PTPN21: variants seen among roughly 807,000 people sequenced by gnomAD.
PTPN21 encodes tyrosine-protein phosphatase non-receptor type 21.
PTPN21 carries 77 observed loss-of-function variants against 131.8 expected under a neutral mutation model. The ratio of observed to expected loss-of-function variants is 0.58; its 90% CI spans 0.49 to 0.71. The LOEUF is 0.71. Ranked by LOEUF, PTPN21 falls within the 30% of genes least tolerant of loss-of-function variation. PTPN21 has a pLI of 0.00. For synonymous variants in PTPN21, 715 were observed against 621.3 expected, an observed-to-expected ratio of 1.15 and a Z score of -2.24; for missense variants, 1,552 against 1,527.1, an observed-to-expected ratio of 1.02 and a Z score of -0.27.
chr14:88,511,446 G>T (rs2078180639), intron 3 of PTPN21, among the ~76,000 whole-genome samples: 1 of 152,134 alleles, frequency 6.6e-6, no homozygotes, highest in South Asian at 2.1e-4. Context: ...GCTGAGGCAG[G>T]TGGATCACGA....
chr14:88,471,742 G>A (rs988395187), intron 15 of PTPN21, among the ~76,000 whole-genome samples: 1 of 152,122 alleles, frequency 6.6e-6, no homozygotes, highest in Non-Finnish European at 1.5e-5. Context: ...ATGTGATGAG[G>A]AAAAACTAGC....
At chr14:88,485,967 C>A in intron 10 of PTPN21, 125 bp from the exon 11 acceptor site, 1 of 621,372 alleles carries the variant, frequency 1.6e-6, no homozygotes, top group South Asian at 2.5e-5. Flanking sequence ...CTATCTAAGT[C>A]ATGAAGTCAA....
At chr14:88,495,061 C>T (rs1293843379) in intron 10 of PTPN21, among the ~76,000 whole-genome samples, 1 of 136,030 alleles carries the variant, frequency 7.4e-6, no homozygotes, top group African/African-American at 2.7e-5. Flanking sequence ...GTGTCAGGAT[C>T]TGATTCAGGT....
At chr14:88,509,571 T>C (rs2078145897) in intron 3 of PTPN21, among the ~76,000 whole-genome samples, 2 of 152,206 alleles carry the variant, frequency 1.3e-5, no homozygotes, top group South Asian at 4.1e-4. Context: ...CTATAGCTAA[T>C]GGGATGCTGG....
chr14:88,480,116 C>T lies in PTPN21; in HGVS notation c.1315G>A (p.Ala439Thr). ...PDYLPSHRHSAVIPPSYRPTP... is the reference protein window; with the variant it reads ...PDYLPSHRHSTVIPPSYRPTP... ...GGGCGGTAGGACGGGGGTATCACGG[C>T]GCTGTGCCGATGGGACGGGAGGTAG... The change falls in exon 13 of 19, where the codon GCC becomes ACC. Residue 439 changes from alanine to threonine, a missense_variant. By Grantham distance (58) the Ala-to-Thr change is moderately conservative. This residue lies in a region of PTPN21 where 1,016 missense variants were observed against 883.5 expected (regional missense o/e 1.15). Coordinates refer to ENST00000556564, the MANE Select transcript of PTPN21 (RefSeq NM_007039.4). 2.5e-6 allele frequency: 4 copies of T among 1,614,102 alleles called. No homozygotes were observed. Among genetic ancestry groups the T allele is most frequent in the Non-Finnish European group, 3.4e-6 (4 of 1,179,998 alleles).
intron 3 of PTPN21, chr14:88,515,060 C>G (rs1414038134): frequency 2.6e-5 from 4 of 152,144 alleles, no homozygotes; most frequent in African/African-American, 9.7e-5. Context: ...CAAGAGGTAA[C>G]CTAGTGCATG....
rs942592324 is a variant in PTPN21 at position 88,550,609 on chromosome 14, T to G, written c.-192A>C. The G allele has an allele frequency of 1.8e-6, 1 of 567,922 alleles. No homozygotes were observed. 35.2% of individuals were successfully genotyped at this position (567,922 alleles called of 1,614,324 possible). A position where few individuals can be genotyped will look rare whatever the true frequency, so the allele number is the denominator to read the frequency against. ...TCCAATGGCCCGAGGAAGGGAGCAT[T>G]GACGCCAGCGCTGGGGAAAGAGGAA... On this transcript the variant is annotated 5_prime_UTR_variant, in exon 2 of 19. Coordinates refer to ENST00000556564, the MANE Select transcript of PTPN21 (RefSeq NM_007039.4).
In PTPN21 at chr14:88,550,462, C is replaced by T; in HGVS notation, c.-45G>A. On this transcript the variant is annotated 5_prime_UTR_variant, in exon 2 of 19. Transcript: ENST00000556564. ...TGGAGGAGCAAAGAGGGAAAAGCTACCCCCACCAACCCAGCGCTGGTGACG... is the reference window on the plus strand; with the variant it reads ...TGGAGGAGCAAAGAGGGAAAAGCTATCCCCACCAACCCAGCGCTGGTGACG... 2 of 1,559,518 alleles carry T rather than the reference C, an allele frequency of 1.3e-6. No individual in the cohort carries two copies. Among genetic ancestry groups the T allele is most frequent in the Non-Finnish European group, 1.8e-6 (2 of 1,138,910 alleles).
At chr14:88,539,250 ATT>A (rs57117892) in intron 2 of PTPN21, among the ~76,000 whole-genome samples, 8 of 120,234 alleles carry the variant, frequency 6.7e-5, no homozygotes, top group Non-Finnish European at 9.0e-5. Flanking sequence ...CGCCCGGTTA[ATT>A]TTTTTTTTTT....
At chr14:88,501,490 G>T in intron 6 of PTPN21, 122 bp from the exon 7 acceptor site, 1 of 855,584 alleles carries the variant, frequency 1.2e-6, no homozygotes, top group Non-Finnish European at 1.9e-6. Context: ...ACGTTTCTAA[G>T]CATCTATAAT....
chr14:88,479,507 C>T lies in PTPN21; in HGVS notation c.1924G>A (p.Gly642Arg), dbSNP rs1292576530. The T allele has an allele frequency of 3.7e-6, 6 of 1,600,922 alleles. No homozygotes were observed. The highest frequency in any genetic ancestry group is 5.1e-6 in the Non-Finnish European group (6 of 1,179,230). ...LHKRNSIEVA[G>R]LSHGLEGLRL... ...AGGCCCTCCAGGCCGTGGCTGAGCC[C>T]GGCCACCTCGATGCTGTTCCGTTTG... The change falls in exon 13 of 19, where the codon GGG (glycine) becomes AGG (arginine). Residue 642 changes from glycine (G) to arginine (R), a missense_variant. This residue lies in a region of PTPN21 where 1,016 missense variants were observed against 883.5 expected (regional missense o/e 1.15). Transcript: ENST00000556564.
rs1477957436 is a variant in PTPN21 at position 88,466,683 on chromosome 14, CT to C, written c.*1453del. The C allele has an allele frequency of 6.6e-6, 1 of 152,194 alleles. No individual in the cohort carries two copies. Among genetic ancestry groups the C allele is most frequent in the Non-Finnish European group, 1.5e-5 (1 of 68,048 alleles). The allele number at this position is 152,194 out of a possible 1,614,324, so 9.4% of individuals were successfully genotyped here. Reference sequence around the variant, plus strand: ...CGGGGCCAGAGATGACACTCTCCCCCTGTAACTCAGCCTGGCTCTGTCTATT... The same window carrying C: ...CGGGGCCAGAGATGACACTCTCCCCCGTAACTCAGCCTGGCTCTGTCTATT... On this transcript the variant is annotated 3_prime_UTR_variant, in exon 19 of 19. Transcript: ENST00000556564.
chr14:88,531,510 T>C (rs1391952061), intron 2 of PTPN21, among the ~76,000 whole-genome samples: 1 of 152,102 alleles, frequency 6.6e-6, no homozygotes, highest in Non-Finnish European at 1.5e-5. Flanking sequence ...TAAGCCGAGA[T>C]TGCGCCACTG....
At position 88,479,349 on chromosome 14, in the gene PTPN21, C is replaced by T. The variant is rs748983954; in HGVS notation, c.2082G>A (p.Arg694=). 2 of 1,613,138 alleles carry T rather than the reference C, an allele frequency of 1.2e-6. No individual in the cohort carries two copies. Among genetic ancestry groups the T allele is most frequent in the African/African-American group, 1.3e-5 (1 of 74,902 alleles). ...REGPEEAEGL[R]YGHKKSLSDA... is the part of the protein sequence containing the mutation. ...CCGACAGGGACTTCTTATGGCCGTA[C>T]CTCAAGCCCTCCGCCTCCTCCGGCC... The change falls in exon 13 of 19, where the codon AGG becomes AGA. Residue 694 remains arginine, a synonymous_variant. Transcript: ENST00000556564.
intron 2 of PTPN21, among the ~76,000 whole-genome samples, chr14:88,539,808 A>G (rs2078680596): frequency 6.6e-6 from 1 of 152,186 alleles, no homozygotes. Flanking sequence ...TAATAATACA[A>G]TTTTAGACAT....
Position 88,474,131 on chromosome 14 carries a change from CAAAAAAAAAAA to C in PTPN21, c.2512-340_2512-330del, listed in dbSNP as rs754719071. Among the ~76,000 whole-genome samples the C allele has an allele frequency of 4.2e-3, 194 of 46,690 alleles. 2 individuals carry two copies. The highest frequency in any genetic ancestry group is 0.013 in the African/African-American group (160 of 12,706). 30.6% of individuals were successfully genotyped at this position (46,690 alleles called of 152,430 possible). A position where few individuals can be genotyped will look rare whatever the true frequency, so the allele number is the denominator to read the frequency against. ...CAGACGTAACAAATCAGCTGAAGTC[CAAAAAAAAAAA>C]AAAAAAAAAAAAACAAAAGCTTTAA... On this transcript the variant is annotated intron_variant, in intron 13 of 18. Coordinates refer to ENST00000556564, the MANE Select transcript of PTPN21 (RefSeq NM_007039.4).
chr14:88,522,438 AAAAAAG>A (rs1235200412), intron 2 of PTPN21, among the ~76,000 whole-genome samples: 8 of 150,776 alleles, frequency 5.3e-5, no homozygotes, highest in Non-Finnish European at 8.9e-5. Context: ...AAAAAAAAAA[AAAAAAG>A]AAAAAAAGAA....
chr14:88,552,735 T>C (rs2078885084), intron 1 of PTPN21, among the ~76,000 whole-genome samples: 1 of 152,206 alleles, frequency 6.6e-6, no homozygotes, highest in African/African-American at 2.4e-5. Flanking sequence ...TGGTTTCCAC[T>C]TCCAGTAGTT....
intron 2 of PTPN21, among the ~76,000 whole-genome samples, chr14:88,546,713 C>T (rs1318955287): frequency 1.3e-5 from 2 of 152,082 alleles, no homozygotes; most frequent in Admixed American, 6.5e-5. Context: ...TCCAGATTTG[C>T]TTGGTGGGAG....
Sources: allele counts gnomAD v4.1 joint callset (sites outside exome capture counted in the v4.1 genomes callset), GRCh38; gene constraint gnomAD v4.1.1; regional missense constraint gnomAD v4.1.1; transcripts MANE v1.5; gene names NCBI Gene and HGNC (gene_info 2026-07-23, HGNC 2026-07-21).